Variants in SYNE1 observed in about 807,000 individuals in gnomAD.
SYNE1 encodes the protein nesprin-1.
Under a neutral mutation model 1,111.0 loss-of-function variants are expected in SYNE1, and 616 were observed. That is an observed-to-expected ratio of 0.55 (90% confidence interval 0.52 to 0.59). The LOEUF is 0.59. SYNE1 is among the 20% of genes least tolerant of loss of function. The probability of loss-of-function intolerance (pLI) is 0.00; values close to 1 mark genes in which losing one functional copy is unlikely to be tolerated. For synonymous variants in SYNE1, 3,855 were observed against 3,825.8 expected, an observed-to-expected ratio of 1.01 and a Z score of -0.28; for missense variants, 10,006 against 10,417.0, an observed-to-expected ratio of 0.96 and a Z score of 1.72.
intron 145 of SYNE1, chr6:152,127,700 G>C (rs1375262994): frequency 1.3e-5 from 2 of 152,156 alleles, no homozygotes. Context: ...CTGCCTTAGA[G>C]GGGAGAGGCT....
intron 117 of SYNE1, among the ~76,000 whole-genome samples, chr6:152,224,133 A>G (rs148924795): frequency 0.016 from 2,390 of 152,334 alleles, 85 homozygotes; most frequent in Admixed American, 0.091. Context: ...TCTTTTGAAC[A>G]TTCCTTAGAA....
rs2083603543 is a variant in SYNE1, at chr6:152,234,778, G to C, written c.20419C>G (p.Leu6807Val). 1 of 1,614,166 alleles carries C rather than the reference G, an allele frequency of 6.2e-7. No individual in the cohort carries two copies. The highest frequency in any genetic ancestry group is 8.5e-7 in the Non-Finnish European group (1 of 1,180,028). The stretch of plus-strand genomic sequence containing the variant: ...TTTGCAGATTGTAACCAGTGAATTA[G>C]ATCTGCAGATTCACTTTGATATCTG... ...WTRYQSESAD[L>V]IHWLQSAKDR... The change falls in exon 111 of 146, where the codon CTA becomes GTA. Residue 6807 changes from leucine (L) to valine (V), a missense_variant. By Grantham distance (32) the Leu-to-Val change is conservative (BLOSUM62 1). Coordinates refer to ENST00000367255, the MANE Select transcript of SYNE1 (RefSeq NM_182961.4).
rs1466337935 is a variant in SYNE1 at position 152,321,258 on chromosome 6, C to G, written c.16216G>C (p.Asp5406His). ...TTTACCTGATCTCGGATCTTTAGAT[C>G]TAACGCCACTTCAGCCAACTGAAGG... is the stretch of plus-strand genomic sequence containing the variant. ...LSLQLAEVAL[D>H]LKIRDQIQDK... The change falls in exon 84 of 146, where the codon GAT becomes CAT. Residue 5406 changes from aspartate (D) to histidine (H), a missense_variant. Transcript: ENST00000367255. 1.9e-6 allele frequency: 3 copies of G among 1,613,664 alleles called. No homozygotes were observed. In the African/African-American group the frequency reaches 4.0e-5, roughly 22 times the overall value.
At chr6:152,251,811 G>T (rs2089377264) in intron 104 of SYNE1, among the ~76,000 whole-genome samples, 2 of 152,148 alleles carry the variant, frequency 1.3e-5, no homozygotes, top group Admixed American at 1.3e-4. Flanking sequence ...AACTATTTTT[G>T]TATTATTACA....
chr6:152,289,657 C>T (rs751519899), intron 95 of SYNE1, among the ~76,000 whole-genome samples: 3 of 152,096 alleles, frequency 2.0e-5, no homozygotes, highest in Non-Finnish European at 2.9e-5. Context: ...GACGGAGTCT[C>T]GCTCTGTCGC....
intron 3 of SYNE1, among the ~76,000 whole-genome samples, chr6:152,550,815 G>A (rs548654747): frequency 1.1e-4 from 16 of 152,188 alleles, no homozygotes; most frequent in South Asian, 6.2e-4. Context: ...TATGTGCACC[G>A]TATCACGTTT....
chr6:152,385,595 T>G, intron 55 of SYNE1, 79 bp downstream of exon 55: 1 of 1,511,812 alleles, frequency 6.6e-7, no homozygotes, highest in Non-Finnish European at 9.2e-7. Flanking sequence ...AATAACAGAA[T>G]CTTATCTACA....
chr6:152,231,976 T>A, intron 113 of SYNE1, 140 bp downstream of exon 113: 1 of 614,244 alleles, frequency 1.6e-6, no homozygotes, highest in South Asian at 2.1e-5. Context: ...AATGCATTTT[T>A]CTTGCTATTG....
intron 100 of SYNE1, 98 bp downstream of exon 100, chr6:152,267,958 A>G: frequency 9.3e-7 from 1 of 1,070,844 alleles, no homozygotes; most frequent in Non-Finnish European, 1.4e-6. Context: ...TAAATTTTGC[A>G]GAAGATGTTT....
Position 152,267,097 on chromosome 6 carries a change from T to C in SYNE1, c.18815+959A>G, listed in dbSNP as rs571979341. ...TGTATAAAATTTTCTTCAACTTTTTTATAGTAGTGAGCATTTATGTCTTTT... is the reference window on the plus strand; with the variant it reads ...TGTATAAAATTTTCTTCAACTTTTTCATAGTAGTGAGCATTTATGTCTTTT... On this transcript the variant is annotated intron_variant, in intron 100 of 145. Coordinates refer to ENST00000367255, the MANE Select transcript of SYNE1 (RefSeq NM_182961.4). 2.0e-5 allele frequency among the ~76,000 whole-genome samples: 3 copies of C among 152,304 alleles called. No homozygotes were observed. In the East Asian group the frequency reaches 5.8e-4, roughly 29 times the overall value.
chr6:152,283,770 C>T (rs988408295), intron 96 of SYNE1, among the ~76,000 whole-genome samples: 15 of 152,036 alleles, frequency 9.9e-5, no homozygotes, highest in African/African-American at 3.6e-4. Flanking sequence ...CTCCTGACCT[C>T]GTGATTCACC....
chr6:152,375,198 C>T (rs78311669), intron 58 of SYNE1, among the ~76,000 whole-genome samples: 1 of 152,118 alleles, frequency 6.6e-6, no homozygotes, highest in African/African-American at 2.4e-5. Context: ...CCACTGTGGC[C>T]TCCTAAAGTG....
At chr6:152,122,833 C>T (rs879669262) in intron 145 of SYNE1, among the ~76,000 whole-genome samples, 157 bp from the exon 146 acceptor site, 7 of 152,138 alleles carry the variant, frequency 4.6e-5, no homozygotes, top group Non-Finnish European at 7.4e-5. Flanking sequence ...CAGGTCACCC[C>T]CCACCATCAA....
chr6:152,515,096 C>T (rs112791220), intron 6 of SYNE1, among the ~76,000 whole-genome samples: 19 of 151,914 alleles, frequency 1.3e-4, no homozygotes, highest in Non-Finnish European at 2.4e-4. Context: ...GTGGCGCATG[C>T]CTGTAGTCCC....
intron 3 of SYNE1, among the ~76,000 whole-genome samples, chr6:152,617,927 A>G (rs1288666180): frequency 6.6e-6 from 1 of 152,186 alleles, no homozygotes; most frequent in Non-Finnish European, 1.5e-5. Context: ...GGGGATTGCA[A>G]CACCATAGTT....
rs375213140 is a variant in SYNE1, at chr6:152,455,793, G to A, written c.2727+93C>T. The A allele has an allele frequency of 5.7e-6, 9 of 1,573,742 alleles. No homozygotes were observed. The East Asian group carries it at 6.8e-5, about 12-fold the overall frequency. On this transcript the variant is annotated intron_variant, in intron 23 of 145. Transcript: ENST00000367255. ...GCTTCCAAACACCAGCAGGTAAGGC[G>A]TTTTAGCAAGACCAAAAGCACGAGT...
chr6:152,528,053 C>T (rs572754802), intron 4 of SYNE1, among the ~76,000 whole-genome samples: 3 of 152,278 alleles, frequency 2.0e-5, no homozygotes, highest in East Asian at 3.9e-4. Flanking sequence ...TTGCCAATAC[C>T]ATTCTCTCCC....
rs2095449282 is a variant in SYNE1, at chr6:152,308,537, A to G, written c.17298T>C (p.Val5766=). The G allele has an allele frequency of 1.2e-6, 2 of 1,614,016 alleles. No homozygotes were observed. Among genetic ancestry groups the G allele is most frequent in the Admixed American group, 1.7e-5 (1 of 60,006 alleles). ...GAHREIEDKP[V]ATSNIQELQA... is the part of the protein sequence containing the mutation. ...GCAGCTCCTGTATGTTACTGGTGGC[A>G]ACAGGTTTATCCTCAATCTCTCTGT... Residue 5766 remains valine, a synonymous_variant, in exon 91 of 146, where the codon GTT becomes GTC. Coordinates refer to ENST00000367255, the MANE Select transcript of SYNE1 (RefSeq NM_182961.4).
chr6:152,522,726 T>C (rs1001000822), intron 5 of SYNE1, among the ~76,000 whole-genome samples: 3 of 152,174 alleles, frequency 2.0e-5, no homozygotes, highest in African/African-American at 7.2e-5. Context: ...TATTGTTTTT[T>C]GACTTTTTAA....
Sources: gnomAD v4.1 joint callset for allele counts (sites outside exome capture counted in the v4.1 genomes callset) on GRCh38, gnomAD v4.1.1 for gene constraint, MANE v1.5 for transcripts, NCBI Gene and HGNC (gene_info 2026-07-23, HGNC 2026-07-21) for gene names.